Variants in PLEKHA7 observed in about 807,000 individuals in gnomAD.
PLEKHA7 encodes the protein pleckstrin homology domain-containing family A member 7.
Under a neutral mutation model 170.0 loss-of-function variants are expected in PLEKHA7, and 104 were observed. That is an observed-to-expected ratio of 0.61 (90% CI 0.52 to 0.72). PLEKHA7 has a LOEUF of 0.72. Ranked by LOEUF, PLEKHA7 falls within the 30% of genes least tolerant of loss-of-function variation. The pLI is 0.00. For synonymous variants in PLEKHA7, 648 were observed against 660.8 expected (o/e 0.98, Z 0.30); for missense variants, 1,615 against 1,671.7 (o/e 0.97, Z 0.59).
intron 3 of PLEKHA7, among the ~76,000 whole-genome samples, chr11:16,892,619 C>CTTTTTTTTTTTTTTTT (rs10674972): frequency 4.9e-5 from 4 of 82,410 alleles, no homozygotes; most frequent in East Asian, 4.9e-4. Flanking sequence ...CTTCCAGCTT[C>CTTTTTTTTTTTTTTTT]TTTTTTTTTT....
In PLEKHA7 at chr11:16,782,736, G is replaced by T. The variant is rs1157686243; in HGVS notation, c.3793+18C>A. ...GTGGGGCAGGATCCAGGCCTTGGGG[G>T]CTGGGCCATGGCCTTACCTGCCACC... On this transcript the variant is annotated intron_variant, in intron 26 of 26. Coordinates refer to ENST00000531066, the MANE Select transcript of PLEKHA7 (RefSeq NM_001329630.2). 1 of 1,535,578 alleles carries T rather than the reference G, an allele frequency of 6.5e-7. No individual in the cohort carries two copies.
chr11:16,949,946 G>C (rs575049848), intron 3 of PLEKHA7, among the ~76,000 whole-genome samples: 21 of 152,098 alleles, frequency 1.4e-4, no homozygotes, highest in Non-Finnish European at 2.8e-4. Flanking sequence ...AACTCTACAA[G>C]GGGCATGGGA....
rs757901278 is a variant in PLEKHA7 at position 16,800,931 on chromosome 11, C to T, written c.2409+43G>A. ...TCTTGGAAAAACAAAAAACAAAAAA[C>T]AAAAAACAAGAGCTCAGAAGAGATG... On this transcript the variant is annotated intron_variant, in intron 17 of 26. Transcript: ENST00000531066. The T allele has an allele frequency of 2.2e-5, 34 of 1,559,010 alleles. 1 individual carries two copies. In the South Asian group the frequency reaches 3.7e-4, roughly 17 times the overall value.
chr11:16,969,068 A>AG (rs1216024450), intron 3 of PLEKHA7, among the ~76,000 whole-genome samples: 5 of 152,220 alleles, frequency 3.3e-5, no homozygotes, highest in African/African-American at 1.2e-4. Flanking sequence ...AGGAAACTGA[A>AG]GGGGTTTTAG....
chr11:16,814,263 A>C (rs1849582892), intron 12 of PLEKHA7, among the ~76,000 whole-genome samples: 1 of 152,252 alleles, frequency 6.6e-6, no homozygotes, highest in Non-Finnish European at 1.5e-5. Flanking sequence ...AAGGTTATTC[A>C]AGATCACTTA....
At chr11:16,786,602 C>T (rs1397853070) in intron 23 of PLEKHA7, 2 of 985,382 alleles carry the variant, frequency 2.0e-6, no homozygotes, top group Non-Finnish European at 2.4e-6. Context: ...AGGTTTCAAA[C>T]ATACACCCTT....
intron 10 of PLEKHA7, among the ~76,000 whole-genome samples, chr11:16,821,806 G>C (rs768244431): frequency 1.3e-5 from 2 of 152,160 alleles, no homozygotes; most frequent in Non-Finnish European, 2.9e-5. Flanking sequence ...CTCACTTAAA[G>C]ATTGACAGCA....
chr11:16,855,539 G>T, intron 5 of PLEKHA7: 1 of 437,286 alleles, frequency 2.3e-6, no homozygotes, highest in Non-Finnish European at 4.0e-6. Context: ...ATAGAAACGT[G>T]GCCCTCCCAA....
chr11:16,796,842 G>T (rs1848264618), intron 17 of PLEKHA7, among the ~76,000 whole-genome samples: 1 of 151,888 alleles, frequency 6.6e-6, no homozygotes, highest in Non-Finnish European at 1.5e-5. Flanking sequence ...TTCTTTTTCA[G>T]TTTTTGTAGA....
At chr11:16,937,234 C>A (rs757310088) in intron 3 of PLEKHA7, among the ~76,000 whole-genome samples, 1 of 152,120 alleles carries the variant, frequency 6.6e-6, no homozygotes, top group Non-Finnish European at 1.5e-5. Context: ...ACATAAAATC[C>A]CTGAATGCTT....
chr11:16,792,709 G>A (rs1299390391), intron 19 of PLEKHA7, among the ~76,000 whole-genome samples: 1 of 152,166 alleles, frequency 6.6e-6, no homozygotes, highest in Non-Finnish European at 1.5e-5. Context: ...ATTGTTATTT[G>A]TTAAATTATA....
intron 9 of PLEKHA7, among the ~76,000 whole-genome samples, chr11:16,833,554 G>A (rs443327): frequency 0.096 from 14,616 of 152,172 alleles, 813 homozygotes; most frequent in East Asian, 0.16. Context: ...AGGGAAACCA[G>A]CACTCCCGTT....
At chr11:16,783,883 T>A in intron 24 of PLEKHA7, 50 bp from the exon 25 acceptor site, 3 of 1,363,884 alleles carry the variant, frequency 2.2e-6, no homozygotes, top group Non-Finnish European at 2.8e-6. Context: ...ATGTCTGGGT[T>A]TAGGACTCGC....
At chr11:16,987,809 A>C (rs1485255246) in intron 3 of PLEKHA7, among the ~76,000 whole-genome samples, 3 of 151,748 alleles carry the variant, frequency 2.0e-5, no homozygotes, top group African/African-American at 7.3e-5. Flanking sequence ...TCCTACACTC[A>C]ACTAGCCTTG....
At chr11:16,921,708 A>G (rs751554804) in intron 3 of PLEKHA7, among the ~76,000 whole-genome samples, 9 of 152,342 alleles carry the variant, frequency 5.9e-5, no homozygotes, top group East Asian at 3.9e-4. Flanking sequence ...TGAGAATTCA[A>G]TGAGATAATA....
rs1444779841 is a variant in PLEKHA7, at chr11:17,006,670, G to A, written c.221+7319C>T. Among the ~76,000 whole-genome samples, 3 of 152,078 alleles carry A rather than the reference G, an allele frequency of 2.0e-5. No individual in the cohort carries two copies. In the East Asian group the frequency reaches 5.8e-4, roughly 29 times the overall value. On this transcript the variant is annotated intron_variant, in intron 3 of 26. Transcript: ENST00000531066. ...AGATGATATATAAGTGAATCAATAG[G>A]TTTGACATTCTACAAGATAAATTTC...
intron 3 of PLEKHA7, among the ~76,000 whole-genome samples, chr11:16,907,647 G>A (rs1417661579): frequency 7.8e-6 from 1 of 127,842 alleles, no homozygotes; most frequent in Non-Finnish European, 1.8e-5. Context: ...GGGAAGTAAG[G>A]AGCCCCTCTG....
Position 16,816,943 on chromosome 11 carries a change from G to A in PLEKHA7, c.1723C>T (p.Pro575Ser). 6.2e-7 allele frequency: 1 copy of A among 1,613,252 alleles called. No homozygotes were observed. The highest frequency in any genetic ancestry group is 8.5e-7 in the Non-Finnish European group (1 of 1,179,544). ...SVPPSPSDIP[P>S]PGPPRVFPPR... is the part of the protein sequence containing the mutation. Reference sequence around the variant, plus strand: ...GGGAAGACCCTTGGGGGTCCTGGGGGAGGGATGTCCGAGGGAGATGGAGGC... The same window carrying A: ...GGGAAGACCCTTGGGGGTCCTGGGGAAGGGATGTCCGAGGGAGATGGAGGC... The change falls in exon 11 of 27, where the codon CCC (proline) becomes TCC (serine). Residue 575 changes from proline to serine, a missense_variant. By Grantham distance (74) the Pro-to-Ser change is moderately conservative. Transcript: ENST00000531066.
intron 3 of PLEKHA7, among the ~76,000 whole-genome samples, chr11:16,996,649 C>A (rs1032399117): frequency 6.6e-6 from 1 of 152,156 alleles, no homozygotes; most frequent in Non-Finnish European, 1.5e-5. Flanking sequence ...AAAGCTGAAT[C>A]TCAGAGGCCG....
Sources: gnomAD v4.1 joint callset for allele counts (sites outside exome capture counted in the v4.1 genomes callset) on GRCh38, gnomAD v4.1.1 for gene constraint, MANE v1.5 for transcripts, NCBI Gene and HGNC (gene_info 2026-07-23, HGNC 2026-07-21) for gene names.